Variants in CAMK1D observed in about 807,000 individuals in gnomAD.
The protein encoded by CAMK1D is calcium/calmodulin-dependent protein kinase type 1D.
In CAMK1D, 9 loss-of-function variants were observed where a neutral mutation model predicts 47.7. The ratio of observed to expected loss-of-function variants is 0.19; its 90% CI spans 0.11 to 0.33. The LOEUF is 0.33. Among genes scored for constraint, CAMK1D ranks in the 10% least tolerant of loss-of-function variants. CAMK1D has a pLI of 1.00. For synonymous variants in CAMK1D, 184 were observed against 184.9 expected (o/e 0.99, Z 0.04); for missense variants, 291 against 488.7 (o/e 0.60, Z 3.81).
At chr10:12,459,998 A>G (rs1282995105) in intron 1 of CAMK1D, among the ~76,000 whole-genome samples, 1 of 152,230 alleles carries the variant, frequency 6.6e-6, no homozygotes, top group Non-Finnish European at 1.5e-5. Flanking sequence ...AGTGCAGACT[A>G]TAGCTCCATC....
intron 1 of CAMK1D, among the ~76,000 whole-genome samples, chr10:12,526,371 T>C (rs1021049410): frequency 1.3e-5 from 2 of 152,220 alleles, no homozygotes; most frequent in African/African-American, 4.8e-5. Flanking sequence ...GTTTTACGCA[T>C]GAGCATTTCC....
chr10:12,795,330 C>T (rs752115020), intron 6 of CAMK1D, among the ~76,000 whole-genome samples: 8 of 152,154 alleles, frequency 5.3e-5, no homozygotes, highest in Non-Finnish European at 1.0e-4. Flanking sequence ...ATTTAAGCAG[C>T]GTTAGACATC....
At chr10:12,402,629 G>C (rs566034039) in intron 1 of CAMK1D, among the ~76,000 whole-genome samples, 1 of 152,168 alleles carries the variant, frequency 6.6e-6, no homozygotes, top group African/African-American at 2.4e-5. Flanking sequence ...TAAGACTGGC[G>C]TTAGGGATTC....
chr10:12,421,076 C>T (rs529684904), intron 1 of CAMK1D, among the ~76,000 whole-genome samples: 43 of 152,224 alleles, frequency 2.8e-4, no homozygotes, highest in African/African-American at 8.2e-4. Flanking sequence ...CTTTAGGAGA[C>T]GGGACAGGCT....
chr10:12,603,107 C>T (rs1053890207), intron 2 of CAMK1D, among the ~76,000 whole-genome samples: 5 of 151,908 alleles, frequency 3.3e-5, no homozygotes, highest in Admixed American at 6.6e-5. Flanking sequence ...GATGGGGTTT[C>T]GCCATGTTGG....
chr10:12,691,611 T>C (rs1344667828), intron 3 of CAMK1D, among the ~76,000 whole-genome samples: 1 of 151,362 alleles, frequency 6.6e-6, no homozygotes, highest in African/African-American at 2.4e-5. Context: ...ATTTTTTGTA[T>C]TTTTAGTAGA....
intron 1 of CAMK1D, among the ~76,000 whole-genome samples, chr10:12,392,431 G>A (rs2131893640): frequency 6.6e-6 from 1 of 151,916 alleles, no homozygotes; most frequent in South Asian, 2.1e-4. Flanking sequence ...CTACTCTAAG[G>A]ACTTCCCATA....
intron 2 of CAMK1D, among the ~76,000 whole-genome samples, chr10:12,574,497 T>TTTTTTTTTTA (rs368308201): frequency 8.5e-5 from 11 of 128,772 alleles, no homozygotes; most frequent in African/African-American, 2.2e-4. Context: ...TTTTTTTTTT[T>TTTTTTTTTTA]AGTAGAGACG....
At chr10:12,648,324 C>T (rs1161595933) in intron 2 of CAMK1D, among the ~76,000 whole-genome samples, 1 of 152,028 alleles carries the variant, frequency 6.6e-6, no homozygotes, top group Non-Finnish European at 1.5e-5. Context: ...TCCCAGGTTC[C>T]CCCTGCCTAG....
At chr10:12,758,438 T>G (rs1403908358) in intron 3 of CAMK1D, among the ~76,000 whole-genome samples, 1 of 152,208 alleles carries the variant, frequency 6.6e-6, no homozygotes, top group Non-Finnish European at 1.5e-5. Flanking sequence ...GTGCCTCGGT[T>G]TCTAAGGAGA....
intron 1 of CAMK1D, among the ~76,000 whole-genome samples, chr10:12,367,160 T>C (rs1837861174): frequency 6.6e-6 from 1 of 152,174 alleles, no homozygotes; most frequent in Non-Finnish European, 1.5e-5. Context: ...TGTGGCTGAC[T>C]CTCCCTGCTT....
At chr10:12,693,222 G>A (rs1054159430) in intron 3 of CAMK1D, among the ~76,000 whole-genome samples, 4 of 152,032 alleles carry the variant, frequency 2.6e-5, no homozygotes, top group African/African-American at 7.2e-5. Flanking sequence ...AAGATTAGCC[G>A]GGCATGGTGG....
chr10:12,711,273 A>G (rs1379412729), intron 3 of CAMK1D, among the ~76,000 whole-genome samples: 2 of 152,114 alleles, frequency 1.3e-5, no homozygotes, highest in Non-Finnish European at 2.9e-5. Flanking sequence ...GGGGACTGGA[A>G]CGGGGGCGCC....
chr10:12,753,810 C>T (rs1228784392), intron 3 of CAMK1D, among the ~76,000 whole-genome samples: 1 of 152,214 alleles, frequency 6.6e-6, no homozygotes, highest in Non-Finnish European at 1.5e-5. Context: ...TCCCCTTTTT[C>T]AGTATAATTC....
intron 1 of CAMK1D, among the ~76,000 whole-genome samples, chr10:12,458,066 A>G (rs996068495): frequency 6.6e-6 from 1 of 152,224 alleles, no homozygotes; most frequent in African/African-American, 2.4e-5. Flanking sequence ...GACCAAGAGC[A>G]GGTGGTGGAG....
intron 2 of CAMK1D, among the ~76,000 whole-genome samples, chr10:12,623,608 C>T (rs1839114685): frequency 6.6e-6 from 1 of 150,964 alleles, no homozygotes; most frequent in African/African-American, 2.4e-5. Context: ...TTCTGAGGAA[C>T]AAACTTAGGG....
intron 3 of CAMK1D, among the ~76,000 whole-genome samples, chr10:12,710,773 C>T (rs913390106): frequency 2.6e-5 from 4 of 152,150 alleles, no homozygotes; most frequent in African/African-American, 9.7e-5. Context: ...TAACTAATCA[C>T]ACAGCAGAAC....
rs1051287321 is a variant in CAMK1D at position 12,585,249 on chromosome 10, G to T, written c.224+31893G>T. 5.9e-5 allele frequency among the ~76,000 whole-genome samples: 9 copies of T among 152,342 alleles called. No homozygotes were observed. In the South Asian group the frequency reaches 1.9e-3, roughly 32 times the overall value. On this transcript the variant is annotated intron_variant, in intron 2 of 10. Coordinates refer to ENST00000619168, the MANE Select transcript of CAMK1D (RefSeq NM_153498.4). ...CAGAGGGCTTGTGAAAATGCAGATT[G>T]CTGGGCCCCGTCCCCAGATGCTGGG...
rs1051973842 is a variant in CAMK1D, at chr10:12,828,954, G to A, written c.*67G>A. On this transcript the variant is annotated 3_prime_UTR_variant, in exon 11 of 11. Coordinates refer to ENST00000619168, the MANE Select transcript of CAMK1D (RefSeq NM_153498.4). ...GGAGCCCCAGGGTCGCCAGAGCCGC[G>A]AGCCACTCCAGCGAGACCCCACCTT... is the stretch of plus-strand genomic sequence containing the variant. 64 of 1,229,826 alleles carry A rather than the reference G, an allele frequency of 5.2e-5. No individual in the cohort carries two copies. Among genetic ancestry groups the A allele is most frequent in the Middle Eastern group, 2.7e-4 (1 of 3,678 alleles). The allele number at this position is 1,229,826 out of a possible 1,614,324, so 76.2% of individuals were successfully genotyped here. A position where few individuals can be genotyped will look rare whatever the true frequency, so the allele number is the denominator to read the frequency against.
Sources: gnomAD v4.1 joint callset for allele counts (sites outside exome capture counted in the v4.1 genomes callset) on GRCh38, gnomAD v4.1.1 for gene constraint, MANE v1.5 for transcripts, NCBI Gene and HGNC (gene_info 2026-07-23, HGNC 2026-07-21) for gene names.